Variants in EHBP1 observed in about 807,000 individuals in gnomAD.
EHBP1 encodes EH domain-binding protein 1.
Under a neutral mutation model 144.0 loss-of-function variants are expected in EHBP1, and 55 were observed. The observed-to-expected ratio is 0.38, with a 90% CI of 0.31 to 0.48. The LOEUF (loss-of-function observed/expected upper bound fraction) is 0.48, where lower values mean the gene tolerates loss of function less well. Ranked by LOEUF, EHBP1 falls within the 20% of genes least tolerant of loss-of-function variation. EHBP1 has a pLI of 0.98. For synonymous variants in EHBP1, 469 were observed against 472.7 expected, an observed-to-expected ratio of 0.99 and a Z score of 0.10; for missense variants, 1,200 against 1,364.2, an observed-to-expected ratio of 0.88 and a Z score of 1.90.
intron 21 of EHBP1, among the ~76,000 whole-genome samples, chr2:63,041,443 T>A (rs777729039): frequency 8.5e-5 from 13 of 152,214 alleles, no homozygotes; most frequent in African/African-American, 1.7e-4. Flanking sequence ...AAATGGATCT[T>A]CTCTAGGATT....
In EHBP1 at chr2:62,830,153, GACACACAC is replaced by G. The variant is rs368948717; in HGVS notation, c.495-830_495-823del. Reference sequence around the variant, plus strand: ...TGGTGCATATATATATATATATATAGACACACACACACACACACACACACACACACACA... The same window carrying G: ...TGGTGCATATATATATATATATATAGACACACACACACACACACACACACA... On this transcript the variant is annotated intron_variant, in intron 6 of 22. Coordinates refer to ENST00000431489, the MANE Select transcript of EHBP1 (RefSeq NM_001142616.3). Among the ~76,000 whole-genome samples, 925 of 132,152 alleles carry G rather than the reference GACACACAC, an allele frequency of 7.0e-3. 9 individuals are homozygous for G. Among genetic ancestry groups the G allele is most frequent in the South Asian group, 8.6e-3 (34 of 3,968 alleles). 86.7% of individuals were successfully genotyped at this position (132,152 alleles called of 152,430 possible).
intron 8 of EHBP1, 90 bp downstream of exon 8, chr2:62,859,381 C>T: frequency 8.0e-7 from 1 of 1,247,118 alleles, no homozygotes; most frequent in Non-Finnish European, 1.1e-6. Flanking sequence ...CAGAGACTAA[C>T]ACACAAAAAA....
chr2:62,730,175 A>G (rs2037370997), intron 2 of EHBP1, among the ~76,000 whole-genome samples: 2 of 152,040 alleles, frequency 1.3e-5, no homozygotes, highest in Admixed American at 6.6e-5. Flanking sequence ...ATTTTCATAT[A>G]CCCCTCATCT....
Position 62,896,424 on chromosome 2 carries a change from T to G in EHBP1, c.1185+21892T>G, listed in dbSNP as rs938765911. Among the ~76,000 whole-genome samples, 11 of 152,300 alleles carry G rather than the reference T, an allele frequency of 7.2e-5. No homozygotes were observed. In the South Asian group the frequency reaches 2.3e-3, roughly 32 times the overall value. On this transcript the variant is annotated intron_variant, in intron 10 of 22. Coordinates refer to ENST00000431489, the MANE Select transcript of EHBP1 (RefSeq NM_001142616.3). The stretch of plus-strand genomic sequence containing the variant: ...AAATCATGCGTGGTGGAAAGCCAGT[T>G]AAGTTAGTGTATGTATGTATTTGTT...
chr2:62,833,535 T>C (rs771124468), intron 7 of EHBP1, among the ~76,000 whole-genome samples: 3 of 152,162 alleles, frequency 2.0e-5, no homozygotes, highest in Non-Finnish European at 4.4e-5. Context: ...ATCGCGTGGT[T>C]TACTGAATAT....
intron 19 of EHBP1, among the ~76,000 whole-genome samples, chr2:63,007,867 A>T (rs72890525): frequency 0.016 from 2,482 of 151,934 alleles, 66 homozygotes; most frequent in African/African-American, 0.056. Context: ...TAATAGCTAC[A>T]TTAAAAAATA....
rs539462695 is a variant in EHBP1 at position 63,019,830 on chromosome 2, GGGAAGGAAGGAAGGAAGGAA to G, written c.3104-17660_3104-17641del. On this transcript the variant is annotated intron_variant, in intron 19 of 22. Transcript: ENST00000431489. ...AAGGATAGGGAAGGGAAGAGGGGGA[GGGAAGGAAGGAAGGAAGGAA>G]GGAAGGAAGGAAGGAAGGAAGGAAG... Among the ~76,000 whole-genome samples, 114 of 34,788 alleles carry G rather than the reference GGGAAGGAAGGAAGGAAGGAA, an allele frequency of 3.3e-3. 1 individual carries two copies. Among genetic ancestry groups the G allele is most frequent in the Middle Eastern group, 0.019 (1 of 54 alleles). 22.8% of individuals were successfully genotyped at this position (34,788 alleles called of 152,430 possible).
At chr2:62,728,982 G>A (rs1260617347) in intron 2 of EHBP1, among the ~76,000 whole-genome samples, 1 of 151,472 alleles carries the variant, frequency 6.6e-6, no homozygotes, top group Non-Finnish European at 1.5e-5. Flanking sequence ...TTGTATGTGA[G>A]TATTTACTTC....
intron 2 of EHBP1, among the ~76,000 whole-genome samples, chr2:62,712,077 G>A (rs1361450116): frequency 6.6e-6 from 1 of 152,150 alleles, no homozygotes; most frequent in Admixed American, 6.5e-5. Context: ...GAAATGATTG[G>A]TAGAGAAGGA....
intron 1 of EHBP1, among the ~76,000 whole-genome samples, chr2:62,695,840 G>A (rs2034068570): frequency 6.6e-6 from 1 of 152,068 alleles, no homozygotes; most frequent in Admixed American, 6.5e-5. Context: ...AGCCTTCCAA[G>A]TAGCTGGGAC....
At chr2:62,728,308 A>G (rs1473446599) in intron 2 of EHBP1, among the ~76,000 whole-genome samples, 1 of 152,224 alleles carries the variant, frequency 6.6e-6, no homozygotes, top group Non-Finnish European at 1.5e-5. Context: ...TAACTTTTTG[A>G]AGAACTGTCA....
At chr2:62,723,951 G>C (rs1471310513) in intron 2 of EHBP1, among the ~76,000 whole-genome samples, 6 of 152,140 alleles carry the variant, frequency 3.9e-5, no homozygotes, top group Non-Finnish European at 8.8e-5. Context: ...TATGTGTCTT[G>C]AGGATGATCT....
intron 13 of EHBP1, among the ~76,000 whole-genome samples, chr2:62,952,178 G>C (rs1281282294): frequency 6.6e-6 from 1 of 152,094 alleles, no homozygotes. Context: ...AATTTTTCTT[G>C]GGGTAAGTTT....
intron 19 of EHBP1, among the ~76,000 whole-genome samples, chr2:63,030,396 T>C (rs1302270885): frequency 6.7e-6 from 1 of 148,866 alleles, no homozygotes; most frequent in Non-Finnish European, 1.5e-5. Context: ...AATATTTAGC[T>C]ATATATATAT....
At chr2:62,736,278 G>A (rs1362777480) in intron 2 of EHBP1, among the ~76,000 whole-genome samples, 3 of 141,888 alleles carry the variant, frequency 2.1e-5, no homozygotes, top group African/African-American at 7.9e-5. Flanking sequence ...CCAGGCTGGA[G>A]TACAGTGGTG....
chr2:62,873,394 A>G (rs1482893237), intron 9 of EHBP1, among the ~76,000 whole-genome samples: 4 of 152,168 alleles, frequency 2.6e-5, no homozygotes, highest in African/African-American at 7.2e-5. Context: ...CAAAGAAAAA[A>G]TGAACTGGAT....
At chr2:62,769,065 A>C (rs924851188) in intron 4 of EHBP1, among the ~76,000 whole-genome samples, 19 of 152,234 alleles carry the variant, frequency 1.2e-4, no homozygotes, top group African/African-American at 4.6e-4. Flanking sequence ...TCGAATGGGC[A>C]AAAGCTGGAA....
chr2:63,002,387 A>G (rs1267418479), intron 19 of EHBP1, among the ~76,000 whole-genome samples: 1 of 152,154 alleles, frequency 6.6e-6, no homozygotes, highest in Non-Finnish European at 1.5e-5. Flanking sequence ...TTACTTTTAA[A>G]AGGGAAAATG....
chr2:62,771,660 A>AT (rs891645855), intron 5 of EHBP1: 12 of 163,684 alleles, frequency 7.3e-5, no homozygotes, highest in East Asian at 4.8e-4. Flanking sequence ...ATATATAAAA[A>AT]ATATATATAT....
Sources: allele counts gnomAD v4.1 joint callset (sites outside exome capture counted in the v4.1 genomes callset), GRCh38; gene constraint gnomAD v4.1.1; transcripts MANE v1.5; gene names NCBI Gene and HGNC (gene_info 2026-07-23, HGNC 2026-07-21).